Variants in SEMA5A observed in about 807,000 individuals in gnomAD.
SEMA5A encodes the protein semaphorin 5A.
In SEMA5A, 55 loss-of-function variants were observed where a neutral mutation model predicts 135.5. The observed-to-expected ratio is 0.41, with a 90% CI of 0.33 to 0.51. SEMA5A has a LOEUF of 0.51. Among genes scored for constraint, SEMA5A ranks in the 20% least tolerant of loss-of-function variants. The pLI is 0.37. For synonymous variants in SEMA5A, 580 were observed against 546.5 expected (o/e 1.06, Z -0.85); for missense variants, 1,290 against 1,419.9 (o/e 0.91, Z 1.47).
At chr5:9,533,105 C>A (rs1474852572) in intron 1 of SEMA5A, among the ~76,000 whole-genome samples, 1 of 152,158 alleles carries the variant, frequency 6.6e-6, no homozygotes, top group Non-Finnish European at 1.5e-5. Flanking sequence ...TTTAGGTTGA[C>A]AATTGAAAGA....
intron 16 of SEMA5A, among the ~76,000 whole-genome samples, chr5:9,075,556 CA>C (rs11377429): frequency 1.5e-4 from 22 of 146,172 alleles, no homozygotes; most frequent in African/African-American, 4.2e-4. Flanking sequence ...AAAAAGCCAG[CA>C]AAAAAAAAAA....
intron 12 of SEMA5A, among the ~76,000 whole-genome samples, chr5:9,137,432 C>T (rs771903338): frequency 2.6e-5 from 4 of 152,032 alleles, no homozygotes; most frequent in African/African-American, 9.7e-5. Flanking sequence ...AGGGCTGTGG[C>T]CTTTACATTA....
At chr5:9,502,541 C>A (rs570514683) in intron 1 of SEMA5A, among the ~76,000 whole-genome samples, 3 of 150,804 alleles carry the variant, frequency 2.0e-5, no homozygotes, top group African/African-American at 4.9e-5. Flanking sequence ...CTGTGGGTAT[C>A]TCTAAACATC....
intron 5 of SEMA5A, among the ~76,000 whole-genome samples, chr5:9,241,323 C>T (rs1427244098): frequency 6.6e-6 from 1 of 151,942 alleles, no homozygotes; most frequent in Non-Finnish European, 1.5e-5. Flanking sequence ...AAACAGAAGA[C>T]ACTCTTCTAT....
chr5:9,068,710 TG>T (rs973072177), intron 16 of SEMA5A, among the ~76,000 whole-genome samples: 2 of 152,150 alleles, frequency 1.3e-5, no homozygotes, highest in African/African-American at 4.8e-5. Flanking sequence ...AAAATGGGGC[TG>T]TGGATTCCTA....
At chr5:9,276,514 C>A (rs1750270326) in intron 5 of SEMA5A, among the ~76,000 whole-genome samples, 1 of 152,070 alleles carries the variant, frequency 6.6e-6, no homozygotes, top group South Asian at 2.1e-4. Flanking sequence ...CAATCCTAAG[C>A]AAAAAGAACA....
In SEMA5A at chr5:9,295,700, T is replaced by G. The variant is rs1751303235; in HGVS notation, c.270+22672A>C. Among the ~76,000 whole-genome samples the G allele has an allele frequency of 1.3e-5, 2 of 152,184 alleles. 1 individual carries two copies. The highest frequency in any genetic ancestry group is 4.1e-4 in the South Asian group (2 of 4,832). On this transcript the variant is annotated intron_variant, in intron 5 of 22. Transcript: ENST00000382496. ...CTGATTTCCTCATGCAAAATCAGGATAAAGATGATACCTATCAAATATAAG... is the reference window on the plus strand; with the variant it reads ...CTGATTTCCTCATGCAAAATCAGGAGAAAGATGATACCTATCAAATATAAG...
At chr5:9,205,369 A>AAACAAG (rs1745955581) in intron 8 of SEMA5A, among the ~76,000 whole-genome samples, 1 of 152,192 alleles carries the variant, frequency 6.6e-6, no homozygotes, top group South Asian at 2.1e-4. Flanking sequence ...AGGACTTATT[A>AAACAAG]AACAAGAACA....
At chr5:9,378,438 G>GAT (rs1274316566) in intron 3 of SEMA5A, among the ~76,000 whole-genome samples, 1 of 152,140 alleles carries the variant, frequency 6.6e-6, no homozygotes, top group Non-Finnish European at 1.5e-5. Context: ...TTCCCAGCTG[G>GAT]ATATGCTCTG....
chr5:9,138,790 T>C (rs1352935182), intron 12 of SEMA5A, among the ~76,000 whole-genome samples: 2 of 152,212 alleles, frequency 1.3e-5, no homozygotes, highest in East Asian at 1.9e-4. Context: ...CCAAAGTCCA[T>C]TGTGTCATTC....
intron 11 of SEMA5A, among the ~76,000 whole-genome samples, chr5:9,162,764 G>T (rs1743365177): frequency 6.6e-6 from 1 of 151,594 alleles, no homozygotes; most frequent in Non-Finnish European, 1.5e-5. Context: ...AACAGTCAAA[G>T]ATATGATGGA....
intron 13 of SEMA5A, among the ~76,000 whole-genome samples, chr5:9,133,237 A>G (rs1288290678): frequency 6.6e-6 from 1 of 152,232 alleles, no homozygotes; most frequent in African/African-American, 2.4e-5. Context: ...GATGTATATT[A>G]ATGCAAATCA....
intron 1 of SEMA5A, among the ~76,000 whole-genome samples, chr5:9,444,866 A>C (rs1331544688): frequency 1.3e-5 from 2 of 152,172 alleles, no homozygotes; most frequent in African/African-American, 4.8e-5. Context: ...ACCGGCCTGA[A>C]TACAGAATCT....
chr5:9,182,173 G>A (rs1005954118), intron 11 of SEMA5A, among the ~76,000 whole-genome samples: 11 of 129,264 alleles, frequency 8.5e-5, no homozygotes, highest in Non-Finnish European at 1.6e-4. Context: ...AAAAAAATAC[G>A]CTTCCTGAGG....
chr5:9,538,648 C>T lies in SEMA5A; in HGVS notation c.-175+6936G>A, dbSNP rs141103307. 1.4e-3 allele frequency among the ~76,000 whole-genome samples: 210 copies of T among 152,302 alleles called. 3 individuals carry two copies. Among genetic ancestry groups the T allele is most frequent in the East Asian group, 0.013 (68 of 5,184 alleles). ...TTGGGGTGTACCCAACATTCAGCGGCGAGGCTGGCTGATGAGTTTAACTGA... is the reference window on the plus strand; with the variant it reads ...TTGGGGTGTACCCAACATTCAGCGGTGAGGCTGGCTGATGAGTTTAACTGA... On this transcript the variant is annotated intron_variant, in intron 1 of 22. Transcript: ENST00000382496.
chr5:9,387,922 GATCT>G (rs1269629927), intron 2 of SEMA5A, among the ~76,000 whole-genome samples: 1 of 150,440 alleles, frequency 6.6e-6, no homozygotes, highest in Non-Finnish European at 1.5e-5. Context: ...AAAGAAACAA[GATCT>G]TTTTTATATT....
At chr5:9,491,695 AG>A (rs1388049185) in intron 1 of SEMA5A, among the ~76,000 whole-genome samples, 3 of 152,242 alleles carry the variant, frequency 2.0e-5, no homozygotes, top group Non-Finnish European at 4.4e-5. Flanking sequence ...TAAAGTAAAA[AG>A]AAAAACAACA....
chr5:9,307,483 G>A (rs1302040281), intron 5 of SEMA5A, among the ~76,000 whole-genome samples: 1 of 150,832 alleles, frequency 6.6e-6, no homozygotes, highest in African/African-American at 2.5e-5. Flanking sequence ...GTCAGCCAAT[G>A]TGACTTTTTT....
At position 9,437,827 on chromosome 5, in the gene SEMA5A, T is replaced by C. The variant is rs1183077217; in HGVS notation, c.-149A>G. ...ACTGACTCCACAGCCACGTGGGCAC[T>C]CCAGCCCAAGTCTCACACACCAACA... is the stretch of plus-strand genomic sequence containing the variant. On this transcript the variant is annotated 5_prime_UTR_variant, in exon 2 of 23. Transcript: ENST00000382496. 2 of 152,496 alleles carry C rather than the reference T, an allele frequency of 1.3e-5. No homozygotes were observed. Among genetic ancestry groups the C allele is most frequent in the Non-Finnish European group, 2.9e-5 (2 of 68,054 alleles). 9.4% of individuals were successfully genotyped at this position (152,496 alleles called of 1,614,324 possible).
Sources: gnomAD v4.1 joint callset for allele counts (sites outside exome capture counted in the v4.1 genomes callset) on GRCh38, gnomAD v4.1.1 for gene constraint, MANE v1.5 for transcripts, NCBI Gene and HGNC (gene_info 2026-07-23, HGNC 2026-07-21) for gene names.